The following USP37 variants were observed in gnomAD, a reference collection of about 807,000 sequenced individuals.
USP37 encodes the protein ubiquitin specific peptidase 37, also known as ubiquitin carboxyl-terminal hydrolase 37.
A neutral mutation model predicts 124.0 loss-of-function variants in USP37; 27 were observed. The observed-to-expected ratio is 0.22, with a 90% CI of 0.16 to 0.30. USP37 has a LOEUF of 0.30. Ranked by LOEUF, USP37 falls within the 10% of genes least tolerant of loss-of-function variation. The pLI is 1.00. For synonymous variants in USP37, 365 were observed against 388.0 expected (o/e 0.94, Z 0.70); for missense variants, 889 against 1,140.4 (o/e 0.78, Z 3.17).
At chr2:218,565,160 C>A (rs927825178) in intron 1 of USP37, among the ~76,000 whole-genome samples, 4 of 152,170 alleles carry the variant, frequency 2.6e-5, no homozygotes, top group African/African-American at 7.2e-5. Flanking sequence ...GGGGCTCAAG[C>A]GATCCGCCCA....
At chr2:218,463,261 G>A (rs766103483) in intron 22 of USP37, 45 bp downstream of exon 22, 5 of 1,520,046 alleles carry the variant, frequency 3.3e-6, no homozygotes, top group Non-Finnish European at 4.5e-6. Flanking sequence ...ATGTGTGAAT[G>A]GTAATTTTAC....
chr2:218,546,817 A>C, intron 7 of USP37, 102 bp downstream of exon 7: 1 of 1,327,786 alleles, frequency 7.5e-7, no homozygotes, highest in Non-Finnish European at 1.0e-6. Flanking sequence ...TCTACCAAAA[A>C]TGTACTCTAT....
chr2:218,506,286 C>CTTTTTTTT (rs60620765), intron 11 of USP37, among the ~76,000 whole-genome samples: 1 of 72,618 alleles, frequency 1.4e-5, no homozygotes, highest in African/African-American at 5.7e-5. Flanking sequence ...TTCTTTCTGG[C>CTTTTTTTT]TTTTTTTTTT....
chr2:218,524,268 C>T (rs990969567), intron 10 of USP37, among the ~76,000 whole-genome samples: 1 of 152,070 alleles, frequency 6.6e-6, no homozygotes, highest in Non-Finnish European at 1.5e-5. Flanking sequence ...GTTATGTAGC[C>T]TTTCCTGTTT....
chr2:218,512,599 A>C (rs1326784626), intron 10 of USP37, among the ~76,000 whole-genome samples: 2 of 152,208 alleles, frequency 1.3e-5, no homozygotes, highest in Non-Finnish European at 2.9e-5. Context: ...GTGGAGCATA[A>C]CAAATTTTCA....
intron 14 of USP37, among the ~76,000 whole-genome samples, chr2:218,494,948 A>C (rs1688990189): frequency 6.6e-6 from 1 of 152,200 alleles, no homozygotes; most frequent in Non-Finnish European, 1.5e-5. Flanking sequence ...TCAACCAAAA[A>C]AGCAAGTAAT....
intron 14 of USP37, 86 bp from the exon 15 acceptor site, chr2:218,488,507 A>G: frequency 1.2e-6 from 1 of 846,112 alleles, no homozygotes; most frequent in African/African-American, 1.7e-5. Flanking sequence ...TCTTCCACAG[A>G]ACTTATGGTA....
chr2:218,525,431 C>G (rs895817603), intron 10 of USP37, among the ~76,000 whole-genome samples: 1 of 152,160 alleles, frequency 6.6e-6, no homozygotes, highest in Non-Finnish European at 1.5e-5. Context: ...CTGCAGTGAG[C>G]CATGATTATG....
chr2:218,493,948 T>C (rs1333231909), intron 14 of USP37, among the ~76,000 whole-genome samples: 1 of 152,198 alleles, frequency 6.6e-6, no homozygotes, highest in African/African-American at 2.4e-5. Context: ...ACTGAAAACT[T>C]TGCCTCTCAC....
chr2:218,495,873 A>G lies in USP37; in HGVS notation c.1359T>C (p.Thr453=), dbSNP rs766725822. 1 of 1,613,964 alleles carries G rather than the reference A, an allele frequency of 6.2e-7. No homozygotes were observed. Among genetic ancestry groups the G allele is most frequent in the Non-Finnish European group, 8.5e-7 (1 of 1,180,008 alleles). ...DMEKLNKTWK[T]EPVSGEENSP... is the part of the protein sequence containing the mutation. ...AATTTTCTTCTCCAGAAACAGGTTC[A>G]GTCTTCCAAGTTTTATTTAATTTTT... The change falls in exon 14 of 26, where the codon ACT becomes ACC. Residue 453 remains threonine, a synonymous_variant. Coordinates refer to ENST00000258399, the MANE Select transcript of USP37 (RefSeq NM_020935.3).
rs1691504750 is a variant in USP37 at position 218,485,517 on chromosome 2, C to T, written c.1670+147G>A. The T allele has an allele frequency of 4.2e-6, 4 of 945,882 alleles. No individual in the cohort carries two copies. The East Asian group carries it at 1.1e-4, about 25-fold the overall frequency. 58.6% of individuals were successfully genotyped at this position (945,882 alleles called of 1,614,324 possible). A position where few individuals can be genotyped will look rare whatever the true frequency, so the allele number is the denominator to read the frequency against. On this transcript the variant is annotated intron_variant, in intron 16 of 25. Coordinates refer to ENST00000258399, the MANE Select transcript of USP37 (RefSeq NM_020935.3). ...TTACACTCTGCACATTTCAGCTTTC[C>T]TGACCCTCTTTACCAATCCATTCTG... is the stretch of plus-strand genomic sequence containing the variant.
intron 20 of USP37, among the ~76,000 whole-genome samples, chr2:218,468,583 T>A (rs1690499746): frequency 6.6e-6 from 1 of 152,116 alleles, no homozygotes; most frequent in Non-Finnish European, 1.5e-5. Flanking sequence ...AAAGTAAACC[T>A]CCTCATCAAG....
chr2:218,507,772 T>G (rs965196983), intron 11 of USP37, among the ~76,000 whole-genome samples: 2 of 152,198 alleles, frequency 1.3e-5, no homozygotes, highest in East Asian at 3.8e-4. Flanking sequence ...TTCTCTTGCT[T>G]CTAAATCAAG....
intron 14 of USP37, among the ~76,000 whole-genome samples, chr2:218,490,520 G>A (rs191097691): frequency 3.0e-4 from 45 of 152,138 alleles, no homozygotes; most frequent in African/African-American, 9.9e-4. Context: ...TTAGCTGACC[G>A]TTTTTCATTT....
chr2:218,556,503 G>GTTTTTTTTTTTTTTTT (rs34907421), intron 4 of USP37, among the ~76,000 whole-genome samples: 1 of 53,826 alleles, frequency 1.9e-5, no homozygotes, highest in Admixed American at 2.9e-4. Flanking sequence ...GGGTTTTTCT[G>GTTTTTTTTTTTTTTTT]TTTTTTTTTT....
intron 10 of USP37, among the ~76,000 whole-genome samples, chr2:218,529,103 T>C (rs1376772164): frequency 1.3e-5 from 2 of 152,184 alleles, no homozygotes; most frequent in African/African-American, 2.4e-5. Flanking sequence ...ATCTATGGCA[T>C]CACTACAAAA....
chr2:218,529,695 C>T (rs894218249), intron 10 of USP37, among the ~76,000 whole-genome samples: 2 of 151,942 alleles, frequency 1.3e-5, no homozygotes, highest in African/African-American at 2.4e-5. Context: ...AATTATGGCT[C>T]ATTGCAGCCT....
At chr2:218,512,381 C>G (rs549567974) in intron 10 of USP37, among the ~76,000 whole-genome samples, 82 of 152,176 alleles carry the variant, frequency 5.4e-4, no homozygotes, top group African/African-American at 1.6e-3. Flanking sequence ...GTGGCGCACA[C>G]CAGTAGTCCC....
chr2:218,530,494 G>A (rs1691265082), intron 9 of USP37, among the ~76,000 whole-genome samples: 1 of 152,044 alleles, frequency 6.6e-6, no homozygotes, highest in African/African-American at 2.4e-5. Context: ...CCACCAAATT[G>A]TCATTATTAC....
Sources: allele counts gnomAD v4.1 joint callset (sites outside exome capture counted in the v4.1 genomes callset), GRCh38; gene constraint gnomAD v4.1.1; transcripts MANE v1.5; gene names NCBI Gene and HGNC (gene_info 2026-07-23, HGNC 2026-07-21).